CNBD1: variants seen among roughly 807,000 people sequenced by gnomAD.
The protein encoded by CNBD1 is cyclic nucleotide binding domain containing 1.
CNBD1 carries 71 observed loss-of-function variants against 54.4 expected under a neutral mutation model. The observed-to-expected ratio is 1.30, with a 90% CI of 1.08 to 1.59. CNBD1 has a LOEUF of 1.59. Ranked by LOEUF, CNBD1 falls within the 40% of genes most tolerant of loss-of-function variation. The probability of loss-of-function intolerance (pLI) is 0.00; values close to 1 mark genes in which losing one functional copy is unlikely to be tolerated. For missense variants in CNBD1, 659 were observed against 518.0 expected (o/e 1.27, Z -2.64); for synonymous variants, 182 against 170.7 (o/e 1.07, Z -0.51).
At chr8:87,132,580 C>G (rs1301532193) in intron 4 of CNBD1, among the ~76,000 whole-genome samples, 1 of 148,382 alleles carries the variant, frequency 6.7e-6, no homozygotes, top group East Asian at 2.0e-4. Context: ...TTGGAAGTTT[C>G]TCACCACTAT....
chr8:87,361,385 A>G (rs1400532947), intron 10 of CNBD1, among the ~76,000 whole-genome samples: 1 of 151,870 alleles, frequency 6.6e-6, no homozygotes, highest in Non-Finnish European at 1.5e-5. Flanking sequence ...GGAGATTAAC[A>G]TTACAAGGGA....
intron 8 of CNBD1, among the ~76,000 whole-genome samples, chr8:87,304,312 AATG>A (rs975818033): frequency 9.8e-5 from 15 of 152,316 alleles, no homozygotes; most frequent in Admixed American, 2.0e-4. Context: ...AGCCATAAAA[AATG>A]ATGAGTTCAT....
intron 4 of CNBD1, among the ~76,000 whole-genome samples, chr8:86,971,967 T>C (rs1808229749): frequency 6.6e-6 from 1 of 152,174 alleles, no homozygotes; most frequent in African/African-American, 2.4e-5. Context: ...AACTTTTTTT[T>C]TTTGAGACAG....
At chr8:86,982,790 T>C (rs537210324) in intron 4 of CNBD1, among the ~76,000 whole-genome samples, 1 of 152,268 alleles carries the variant, frequency 6.6e-6, no homozygotes, top group East Asian at 1.9e-4. Flanking sequence ...TCTATGTAAG[T>C]ATTAGAATCC....
intron 3 of CNBD1, among the ~76,000 whole-genome samples, chr8:86,929,290 G>A (rs1809417685): frequency 6.6e-6 from 1 of 152,190 alleles, no homozygotes; most frequent in Non-Finnish European, 1.5e-5. Context: ...CCATGGGCAT[G>A]TAGGATTAGA....
chr8:87,228,078 G>A (rs1814551504), intron 5 of CNBD1, among the ~76,000 whole-genome samples: 1 of 151,630 alleles, frequency 6.6e-6, no homozygotes, highest in Non-Finnish European at 1.5e-5. Flanking sequence ...TCGAGCCTTG[G>A]TTTTCAGCTC....
downstream of CNBD1, among the ~76,000 whole-genome samples, chr8:87,385,529 C>T (rs1811165330): frequency 6.6e-6 from 1 of 152,084 alleles, no homozygotes; most frequent in African/African-American, 2.4e-5. Context: ...GCTAGCACAG[C>T]AGTCTGAGAT....
chr8:86,929,578 G>A (rs956729320), intron 3 of CNBD1, among the ~76,000 whole-genome samples: 2 of 152,194 alleles, frequency 1.3e-5, no homozygotes, highest in South Asian at 4.1e-4. Context: ...ACAGTTTGTT[G>A]GTAGTCATGC....
At chr8:87,180,355 A>T (rs115111524) in intron 4 of CNBD1, among the ~76,000 whole-genome samples, 1 of 152,174 alleles carries the variant, frequency 6.6e-6, no homozygotes, top group East Asian at 1.9e-4. Context: ...CTTTTACTCA[A>T]TTATGACTTT....
intron 2 of CNBD1, among the ~76,000 whole-genome samples, chr8:87,403,997 G>A (rs780186928): frequency 5.9e-5 from 9 of 152,024 alleles, no homozygotes; most frequent in Non-Finnish European, 1.3e-4. Flanking sequence ...TTACACTTCA[G>A]ATGTCCAGAT....
intron 8 of CNBD1, among the ~76,000 whole-genome samples, chr8:87,324,542 G>T (rs1262001681): frequency 2.7e-5 from 4 of 145,546 alleles, no homozygotes; most frequent in Admixed American, 2.7e-4. Context: ...GAGAGTGTAT[G>T]TGTCAAGGAA....
chr8:87,058,555 C>T (rs1203978734), intron 4 of CNBD1, among the ~76,000 whole-genome samples: 1 of 152,168 alleles, frequency 6.6e-6, no homozygotes, highest in African/African-American at 2.4e-5. Flanking sequence ...GTGGAGGTTC[C>T]CAAACCTCAA....
intron 4 of CNBD1, among the ~76,000 whole-genome samples, chr8:87,181,442 T>C (rs544160339): frequency 7.2e-5 from 11 of 152,346 alleles, no homozygotes; most frequent in African/African-American, 2.4e-4. Context: ...ATCTGTCTTC[T>C]TGGGTGAGAC....
chr8:86,997,327 G>T (rs139564320), intron 4 of CNBD1, among the ~76,000 whole-genome samples: 4 of 152,232 alleles, frequency 2.6e-5, no homozygotes, highest in African/African-American at 9.6e-5. Context: ...AACCTCTTGA[G>T]CATCATTGCT....
chr8:87,316,407 T>A (rs1312878570), intron 8 of CNBD1, among the ~76,000 whole-genome samples: 1 of 152,070 alleles, frequency 6.6e-6, no homozygotes, highest in East Asian at 1.9e-4. Flanking sequence ...TATTAATGTA[T>A]GAAATTTTCC....
intron 5 of CNBD1, among the ~76,000 whole-genome samples, chr8:87,225,483 A>G (rs1429051459): frequency 6.6e-6 from 1 of 150,624 alleles, no homozygotes; most frequent in African/African-American, 2.4e-5. Flanking sequence ...CCTTTTCTGC[A>G]TCTATTGAGA....
chr8:87,210,811 C>T (rs954352206), intron 5 of CNBD1, among the ~76,000 whole-genome samples: 1 of 152,162 alleles, frequency 6.6e-6, no homozygotes, highest in African/African-American at 2.4e-5. Flanking sequence ...AGAACCTCTA[C>T]TAGGGTTATG....
At chr8:87,145,723 A>G (rs143726678) in intron 4 of CNBD1, among the ~76,000 whole-genome samples, 127 of 152,278 alleles carry the variant, frequency 8.3e-4, no homozygotes, top group African/African-American at 2.8e-3. Context: ...CAAAATATTA[A>G]CATATCTGCA....
intron 8 of CNBD1, among the ~76,000 whole-genome samples, chr8:87,350,140 G>C (rs1227382429): frequency 2.0e-5 from 3 of 152,028 alleles, no homozygotes; most frequent in African/African-American, 4.8e-5. Context: ...ATATGTTTTG[G>C]TGGAAGAGTT....
Sources: gnomAD v4.1 joint callset for allele counts (sites outside exome capture counted in the v4.1 genomes callset) on GRCh38, gnomAD v4.1.1 for gene constraint, MANE v1.5 for transcripts, NCBI Gene and HGNC (gene_info 2026-07-23, HGNC 2026-07-21) for gene names.